The following PRKCE variants were observed in gnomAD, a reference collection of about 807,000 sequenced individuals.
PRKCE encodes the protein protein kinase C epsilon, also known as protein kinase C epsilon type.
Under a neutral mutation model 85.4 loss-of-function variants are expected in PRKCE, and 16 were observed. That is an observed-to-expected ratio of 0.19 (90% CI 0.13 to 0.28). PRKCE has a LOEUF of 0.28. Ranked by LOEUF, PRKCE falls within the 10% of genes least tolerant of loss-of-function variation. The pLI, the probability that PRKCE is intolerant of heterozygous loss-of-function variation, is 1.00. For missense variants in PRKCE, 573 were observed against 975.2 expected (o/e 0.59, Z 5.49); for synonymous variants, 388 against 371.5 (o/e 1.04, Z -0.51).
At chr2:45,862,574 G>A (rs1471856023) in intron 2 of PRKCE, among the ~76,000 whole-genome samples, 1 of 152,164 alleles carries the variant, frequency 6.6e-6, no homozygotes, top group Non-Finnish European at 1.5e-5. Context: ...TCTTTGGCTG[G>A]ATCTTCTGGT....
intron 1 of PRKCE, among the ~76,000 whole-genome samples, chr2:45,814,442 C>T (rs1374622409): frequency 6.6e-6 from 1 of 152,236 alleles, no homozygotes; most frequent in Admixed American, 6.5e-5. Flanking sequence ...TACCTCTGTC[C>T]TGATCTCTGG....
At position 45,987,369 on chromosome 2, in the gene PRKCE, A is replaced by T. The variant is rs74619879; in HGVS notation, c.823+2689A>T. Reference sequence around the variant, plus strand: ...GCTGAGACCTGAAGCTCCCCAGCCAAAGTGTGCAGACTTTTACTCTTCTGT... The same window carrying T: ...GCTGAGACCTGAAGCTCCCCAGCCATAGTGTGCAGACTTTTACTCTTCTGT... On this transcript the variant is annotated intron_variant, in intron 6 of 14. Coordinates refer to ENST00000306156, the MANE Select transcript of PRKCE (RefSeq NM_005400.3). 2.6e-5 allele frequency among the ~76,000 whole-genome samples: 4 copies of T among 152,304 alleles called. No homozygotes were observed. The East Asian group carries it at 7.7e-4, about 29-fold the overall frequency.
At chr2:45,989,174 G>A (rs1399468981) in intron 6 of PRKCE, among the ~76,000 whole-genome samples, 1 of 152,218 alleles carries the variant, frequency 6.6e-6, no homozygotes, top group East Asian at 1.9e-4. Flanking sequence ...CCCATCTGGG[G>A]TGAATGCTCT....
chr2:45,791,095 T>C (rs1686996989), intron 1 of PRKCE, among the ~76,000 whole-genome samples: 1 of 152,152 alleles, frequency 6.6e-6, no homozygotes, highest in South Asian at 2.1e-4. Context: ...GAAGGGAAGG[T>C]TTTGTGTAGA....
At chr2:45,756,324 G>C (rs1393975234) in intron 1 of PRKCE, among the ~76,000 whole-genome samples, 1 of 152,220 alleles carries the variant, frequency 6.6e-6, no homozygotes, top group Non-Finnish European at 1.5e-5. Flanking sequence ...AGGCTCTAGG[G>C]GTTCTGCTGG....
At chr2:45,941,089 A>AAAAAAAAAAAAAAAAAAATTT in intron 2 of PRKCE, among the ~76,000 whole-genome samples, 1 of 147,088 alleles carries the variant, frequency 6.8e-6, no homozygotes, top group East Asian at 2.0e-4. Context: ...AAAAAAAAAG[A>AAAAAAAAAAAAAAAAAAATTT]TGATAGGCAC....
chr2:46,106,787 C>A (rs1468551598), intron 11 of PRKCE, among the ~76,000 whole-genome samples: 1 of 152,170 alleles, frequency 6.6e-6, no homozygotes, highest in Non-Finnish European at 1.5e-5. Context: ...GCCCTGTCTC[C>A]AAATACAGTG....
chr2:45,848,156 C>T (rs558118897), intron 2 of PRKCE, among the ~76,000 whole-genome samples: 1 of 152,302 alleles, frequency 6.6e-6, no homozygotes, highest in African/African-American at 2.4e-5. Flanking sequence ...GGATACATAT[C>T]GACGGGTTCT....
intron 2 of PRKCE, among the ~76,000 whole-genome samples, chr2:45,885,002 T>TATATATATA (rs1553440407): frequency 1.1e-4 from 11 of 97,636 alleles, no homozygotes; most frequent in African/African-American, 1.5e-4. Flanking sequence ...TATATATATA[T>TATATATATA]TTGTTGTTGT....
chr2:46,095,812 A>G (rs13024886), intron 11 of PRKCE, among the ~76,000 whole-genome samples: 72,595 of 152,154 alleles, frequency 0.48, 20,593 homozygotes, highest in East Asian at 0.77. Flanking sequence ...CAATATCTAC[A>G]GTCTTTATCC....
At chr2:46,005,746 G>A (rs560159540) in intron 8 of PRKCE, among the ~76,000 whole-genome samples, 17 of 152,084 alleles carry the variant, frequency 1.1e-4, no homozygotes, top group Non-Finnish European at 2.5e-4. Context: ...AGAATAATTG[G>A]TCTCAGTCCC....
chr2:45,856,095 C>A (rs921609331), intron 2 of PRKCE, among the ~76,000 whole-genome samples: 1 of 152,074 alleles, frequency 6.6e-6, no homozygotes, highest in African/African-American at 2.4e-5. Flanking sequence ...ATAATCGATA[C>A]ATAATAATTG....
intron 2 of PRKCE, among the ~76,000 whole-genome samples, chr2:45,869,319 C>T (rs1022960595): frequency 6.6e-6 from 1 of 152,188 alleles, no homozygotes; most frequent in Non-Finnish European, 1.5e-5. Context: ...TGCATTCCGG[C>T]CATATCTTCA....
chr2:46,006,154 A>G (rs1449206081), intron 8 of PRKCE, among the ~76,000 whole-genome samples: 1 of 152,218 alleles, frequency 6.6e-6, no homozygotes, highest in African/African-American at 2.4e-5. Flanking sequence ...TGTCCCTCTG[A>G]GCGACATTAT....
At chr2:46,103,641 G>A (rs1671445058) in intron 11 of PRKCE, among the ~76,000 whole-genome samples, 1 of 152,130 alleles carries the variant, frequency 6.6e-6, no homozygotes, top group Admixed American at 6.5e-5. Context: ...ATGCCCTACT[G>A]TTGCCCAGAA....
At chr2:45,770,070 G>T (rs13404751) in intron 1 of PRKCE, among the ~76,000 whole-genome samples, 1 of 152,076 alleles carries the variant, frequency 6.6e-6, no homozygotes, top group Non-Finnish European at 1.5e-5. Flanking sequence ...GCTGTGAAAC[G>T]CTCTCCTTCT....
At chr2:45,674,132 G>A (rs1482650126) in intron 1 of PRKCE, among the ~76,000 whole-genome samples, 2 of 152,158 alleles carry the variant, frequency 1.3e-5, no homozygotes, top group African/African-American at 4.8e-5. Flanking sequence ...GTGATCATTG[G>A]GGTTGACTTG....
intron 2 of PRKCE, among the ~76,000 whole-genome samples, chr2:45,852,466 G>GA (rs1400144704): frequency 1.3e-5 from 2 of 152,188 alleles, no homozygotes; most frequent in Admixed American, 6.5e-5. Flanking sequence ...GATGTAAACT[G>GA]AGAGTCTATT....
At chr2:46,067,792 T>C (rs1008747383) in intron 10 of PRKCE, among the ~76,000 whole-genome samples, 1 of 152,146 alleles carries the variant, frequency 6.6e-6, no homozygotes, top group Non-Finnish European at 1.5e-5. Flanking sequence ...GCTAGACAAC[T>C]TGGTAATAAC....
Sources: gnomAD v4.1 joint callset for allele counts (sites outside exome capture counted in the v4.1 genomes callset) on GRCh38, gnomAD v4.1.1 for gene constraint, MANE v1.5 for transcripts, NCBI Gene and HGNC (gene_info 2026-07-23, HGNC 2026-07-21) for gene names.